THSD7B: variants seen among roughly 807,000 people sequenced by gnomAD.
THSD7B encodes the protein thrombospondin type 1 domain containing 7B, also known as thrombospondin type-1 domain-containing protein 7B.
A neutral mutation model predicts 213.6 loss-of-function variants in THSD7B; 138 were observed. The ratio of observed to expected loss-of-function variants is 0.65; its 90% CI spans 0.56 to 0.74. THSD7B has a LOEUF of 0.74. Among genes scored for constraint, THSD7B ranks in the 30% least tolerant of loss-of-function variants. The pLI is 0.00. For missense variants in THSD7B, 1,931 were observed against 1,991.5 expected (o/e 0.97, Z 0.58); for synonymous variants, 742 against 687.0 (o/e 1.08, Z -1.25).
chr2:137,038,220 A>G (rs1036731585), intron 2 of THSD7B, among the ~76,000 whole-genome samples: 1 of 152,182 alleles, frequency 6.6e-6, no homozygotes, highest in South Asian at 2.1e-4. Context: ...TTGACGTTCT[A>G]GGAGTGGAAA....
At chr2:137,211,168 T>A (rs1161841383) in intron 7 of THSD7B, among the ~76,000 whole-genome samples, 1 of 151,984 alleles carries the variant, frequency 6.6e-6, no homozygotes, top group East Asian at 1.9e-4. Context: ...GCTTCGGAAA[T>A]GAGATTTGTA....
At chr2:137,194,869 A>G (rs1488730596) in intron 7 of THSD7B, among the ~76,000 whole-genome samples, 1 of 152,056 alleles carries the variant, frequency 6.6e-6, no homozygotes, top group Non-Finnish European at 1.5e-5. Context: ...CTGCATAAAC[A>G]TTTTCTTTTA....
At chr2:137,515,309 CT>C (rs1203608116) in intron 15 of THSD7B, among the ~76,000 whole-genome samples, 1 of 152,162 alleles carries the variant, frequency 6.6e-6, no homozygotes, top group Non-Finnish European at 1.5e-5. Context: ...CTGCCATCGC[CT>C]TTCCACCTTT....
At chr2:137,072,057 G>A (rs1360861332) in intron 3 of THSD7B, among the ~76,000 whole-genome samples, 2 of 152,154 alleles carry the variant, frequency 1.3e-5, no homozygotes, top group Admixed American at 6.5e-5. Context: ...CTCCAGCTTC[G>A]TTCTTTGGCT....
chr2:137,056,328 G>A (rs1687161854), intron 2 of THSD7B, 92 bp from the exon 3 acceptor site: 3 of 1,298,760 alleles, frequency 2.3e-6, no homozygotes, highest in African/African-American at 1.5e-5. Context: ...CATACTGCTT[G>A]TGTTGGAAAG....
intron 2 of THSD7B, among the ~76,000 whole-genome samples, chr2:136,967,058 C>T (rs776077310): frequency 1.3e-5 from 2 of 152,110 alleles, no homozygotes; most frequent in African/African-American, 2.4e-5. Context: ...CCTGGGGAAG[C>T]GAATGCTGTT....
At chr2:137,047,700 T>C (rs936441225) in intron 2 of THSD7B, among the ~76,000 whole-genome samples, 2 of 152,148 alleles carry the variant, frequency 1.3e-5, no homozygotes, top group Non-Finnish European at 2.9e-5. Flanking sequence ...AGGTAATCTC[T>C]GGAATTTTGC....
At chr2:137,101,552 C>T (rs1353495240) in intron 4 of THSD7B, among the ~76,000 whole-genome samples, 3 of 152,176 alleles carry the variant, frequency 2.0e-5, no homozygotes, top group Non-Finnish European at 4.4e-5. Flanking sequence ...CATTCACTCT[C>T]CTGGAAAGGG....
At chr2:137,399,585 A>G (rs1456620218) in intron 12 of THSD7B, among the ~76,000 whole-genome samples, 5 of 152,126 alleles carry the variant, frequency 3.3e-5, no homozygotes, top group Admixed American at 1.3e-4. Flanking sequence ...AGTTTCCTTT[A>G]AAGATGACTA....
intron 7 of THSD7B, among the ~76,000 whole-genome samples, chr2:137,176,632 G>A (rs1196359438): frequency 6.6e-6 from 1 of 152,166 alleles, no homozygotes; most frequent in Non-Finnish European, 1.5e-5. Context: ...TTTTGTGGGT[G>A]TCAGCCTGAA....
At chr2:137,130,535 C>G (rs1312910110) in intron 5 of THSD7B, among the ~76,000 whole-genome samples, 1 of 125,746 alleles carries the variant, frequency 8.0e-6, no homozygotes, top group African/African-American at 3.0e-5. Flanking sequence ...CCCCTCCCCC[C>G]ACCCCACAGC....
chr2:137,532,048 T>C (rs12995241), intron 15 of THSD7B, among the ~76,000 whole-genome samples: 13 of 151,874 alleles, frequency 8.6e-5, no homozygotes, highest in Admixed American at 3.9e-4. Flanking sequence ...ATTGTAACTG[T>C]TTTTAGAGTT....
intron 12 of THSD7B, among the ~76,000 whole-genome samples, chr2:137,307,961 T>C (rs879263297): frequency 2.6e-5 from 4 of 151,986 alleles, no homozygotes; most frequent in Admixed American, 2.6e-4. Flanking sequence ...TAAGAATGCC[T>C]CTGAGAGGGA....
Position 137,521,323 on chromosome 2 carries a change from G to A in THSD7B, c.3139-41898G>A, listed in dbSNP as rs542937136. Among the ~76,000 whole-genome samples, 17 of 152,258 alleles carry A rather than the reference G, an allele frequency of 1.1e-4. No homozygotes were observed. The East Asian group carries it at 3.3e-3, about 29-fold the overall frequency. On this transcript the variant is annotated intron_variant, in intron 15 of 27. Transcript: ENST00000409968. ...CTGTCCTTCTGGGTCAGCCTTTGTAGTGGGGAGGGGGGGCTGTGACTACAG... is the reference window on the plus strand; with the variant it reads ...CTGTCCTTCTGGGTCAGCCTTTGTAATGGGGAGGGGGGGCTGTGACTACAG...
chr2:137,523,400 T>C (rs1228868265), intron 15 of THSD7B, among the ~76,000 whole-genome samples: 1 of 152,336 alleles, frequency 6.6e-6, no homozygotes, highest in South Asian at 2.1e-4. Context: ...TATATATTAC[T>C]GAATCCAATC....
chr2:137,627,107 A>G (rs1333827086), intron 20 of THSD7B, among the ~76,000 whole-genome samples: 1 of 152,234 alleles, frequency 6.6e-6, no homozygotes, highest in African/African-American at 2.4e-5. Flanking sequence ...AAACAGTCAC[A>G]TGGTGAGAAA....
intron 2 of THSD7B, among the ~76,000 whole-genome samples, chr2:137,040,020 G>T (rs1293503480): frequency 6.6e-6 from 1 of 152,160 alleles, no homozygotes; most frequent in Non-Finnish European, 1.5e-5. Context: ...CTCAGGCCAG[G>T]CTTTCAGATC....
chr2:137,073,987 G>A (rs1254611725), intron 3 of THSD7B, among the ~76,000 whole-genome samples: 1 of 152,140 alleles, frequency 6.6e-6, no homozygotes, highest in Non-Finnish European at 1.5e-5. Flanking sequence ...CATTTGCTGA[G>A]GAGTGCTTTA....
intron 12 of THSD7B, among the ~76,000 whole-genome samples, chr2:137,391,437 C>A (rs1213069380): frequency 6.6e-6 from 1 of 151,734 alleles, no homozygotes; most frequent in Non-Finnish European, 1.5e-5. Context: ...GCCTGTAATC[C>A]CAGCATTTTG....
Sources: allele counts gnomAD v4.1 joint callset (sites outside exome capture counted in the v4.1 genomes callset), GRCh38; gene constraint gnomAD v4.1.1; transcripts MANE v1.5; gene names NCBI Gene and HGNC (gene_info 2026-07-23, HGNC 2026-07-21).